KLB: variants seen among roughly 807,000 people sequenced by gnomAD.
KLB encodes klotho beta, also known as beta-klotho.
A neutral mutation model predicts 88.4 loss-of-function variants in KLB; 44 were observed. The ratio of observed to expected loss-of-function variants is 0.50; its 90% CI spans 0.39 to 0.64. KLB has a LOEUF of 0.64. Among genes scored for constraint, KLB ranks in the 30% least tolerant of loss-of-function variants. KLB has a pLI of 0.00. For missense variants in KLB, 1,137 were observed against 1,304.8 expected (o/e 0.87, Z 1.98); for synonymous variants, 548 against 513.4 (o/e 1.07, Z -0.91).
chr4:39,423,726 G>C (rs989926125), intron 1 of KLB, among the ~76,000 whole-genome samples: 3 of 151,810 alleles, frequency 2.0e-5, no homozygotes, highest in Non-Finnish European at 4.4e-5. Context: ...CTGGGCATCT[G>C]TGTGGACAAC....
chr4:39,443,002 C>T (rs1400264533), intron 3 of KLB, among the ~76,000 whole-genome samples: 3 of 152,148 alleles, frequency 2.0e-5, no homozygotes, highest in African/African-American at 7.2e-5. Flanking sequence ...TCCTTTAATT[C>T]AGGACAATCA....
At chr4:39,426,251 C>A (rs1199696630) in intron 1 of KLB, among the ~76,000 whole-genome samples, 21 of 129,704 alleles carry the variant, frequency 1.6e-4, no homozygotes, top group East Asian at 2.2e-4. Context: ...GACTCCATCT[C>A]AAAAAAAAAA....
At chr4:39,420,933 G>A (rs1349426467) in intron 1 of KLB, among the ~76,000 whole-genome samples, 5 of 152,130 alleles carry the variant, frequency 3.3e-5, no homozygotes, top group Admixed American at 6.5e-5. Context: ...CACACACCAC[G>A]GGAAGTAACC....
Position 39,407,327 on chromosome 4 carries a change from T to C in KLB, c.378T>C (p.Gly126=), listed in dbSNP as rs754549711. The change falls in exon 1 of 5, where the codon GGT becomes GGC. Residue 126 remains glycine (G), a synonymous_variant. Transcript: ENST00000257408. ...THLKNVSSTN[G]SSDSYIFLEK... ...TTAAAAATGTCAGCAGCACGAATGG[T>C]TCCAGTGACAGTTATATTTTTCTGG... 6.8e-6 allele frequency: 11 copies of C among 1,614,076 alleles called. No individual in the cohort carries two copies. In the South Asian group the frequency reaches 9.9e-5, roughly 14 times the overall value.
intron 1 of KLB, among the ~76,000 whole-genome samples, chr4:39,415,448 C>G (rs1169083459): frequency 1.3e-5 from 2 of 152,118 alleles, no homozygotes; most frequent in South Asian, 2.1e-4. Context: ...GAGCTGTGAT[C>G]ATGCCTCTGC....
intron 1 of KLB, among the ~76,000 whole-genome samples, chr4:39,429,915 G>T (rs1457828560): frequency 6.6e-6 from 1 of 152,162 alleles, no homozygotes; most frequent in Non-Finnish European, 1.5e-5. Context: ...GCTGTCTTCA[G>T]CCCAGAGCAA....
rs766993921 is a variant in KLB, at chr4:39,450,332, C to T, written c.*1646C>T. 3 of 152,196 alleles carry T rather than the reference C, an allele frequency of 2.0e-5. No homozygotes were observed. Among genetic ancestry groups the T allele is most frequent in the African/African-American group, 2.4e-5 (1 of 41,454 alleles). 9.4% of individuals were successfully genotyped at this position (152,196 alleles called of 1,614,324 possible). On this transcript the variant is annotated 3_prime_UTR_variant, in exon 5 of 5. Coordinates refer to ENST00000257408, the MANE Select transcript of KLB (RefSeq NM_175737.4). ...TTTAGACCTTAACAGTCACAAGAGA[C>T]GTTCTTCTGTTACAAAGCCTTAGTA...
rs114658121 is a variant in KLB, at chr4:39,433,454, A to G, written c.826-756A>G. ...ACGCAGATTAACTCACTCAATTCTC[A>G]CAACATCCCTAGGAGGTGGGCTCTA... On this transcript the variant is annotated intron_variant, in intron 1 of 4. Coordinates refer to ENST00000257408, the MANE Select transcript of KLB (RefSeq NM_175737.4). 5.7e-3 allele frequency among the ~76,000 whole-genome samples: 864 copies of G among 152,302 alleles called. 7 individuals carry two copies. The highest frequency in any genetic ancestry group is 0.019 in the African/African-American group (809 of 41,564).
chr4:39,446,298 G>C lies in KLB; in HGVS notation c.1606-34G>C, dbSNP rs1743744571. ...ATCACTTGAGCCTCCATCTGCCAGC[G>C]CATGCTTGACCTAAATGAGCTTGTT... is the stretch of plus-strand genomic sequence containing the variant. On this transcript the variant is annotated intron_variant, in intron 3 of 4. Coordinates refer to ENST00000257408, the MANE Select transcript of KLB (RefSeq NM_175737.4). This position sits in a 1 kb window ranked among gnomAD's most constrained non-coding sequence, Gnocchi z 6.4. 1 of 1,582,596 alleles carries C rather than the reference G, an allele frequency of 6.3e-7. No individual in the cohort carries two copies. The highest frequency in any genetic ancestry group is 8.6e-7 in the Non-Finnish European group (1 of 1,163,272).
intron 3 of KLB, among the ~76,000 whole-genome samples, chr4:39,442,621 G>T (rs1473603834): frequency 6.6e-6 from 1 of 152,066 alleles, no homozygotes; most frequent in African/African-American, 2.4e-5. Context: ...TTTTAGTAGA[G>T]ACGGGGTTTC....
chr4:39,419,944 CAAAAAAAA>C (rs34834552), intron 1 of KLB, among the ~76,000 whole-genome samples: 1 of 81,768 alleles, frequency 1.2e-5, no homozygotes, highest in Non-Finnish European at 2.3e-5. Flanking sequence ...AACTTCATCT[CAAAAAAAA>C]AAAAAAAAAA....
rs1289447661 is a variant in KLB, at chr4:39,449,526, AAC to A, written c.*844_*845del. ...AGTAGTGCTTGTCTAAGCCAGTTAC[AAC>A]ACAGACTCTTAAAGAGGATCAAGCC... On this transcript the variant is annotated 3_prime_UTR_variant, in exon 5 of 5. Transcript: ENST00000257408. The A allele has an allele frequency of 1.4e-5, 2 of 146,018 alleles. No individual in the cohort carries two copies. Among genetic ancestry groups the A allele is most frequent in the Admixed American group, 6.7e-5 (1 of 14,898 alleles). The allele number at this position is 146,018 out of a possible 1,614,324, so 9.0% of individuals were successfully genotyped here.
At chr4:39,425,478 G>A (rs1393069419) in intron 1 of KLB, among the ~76,000 whole-genome samples, 1 of 152,166 alleles carries the variant, frequency 6.6e-6, no homozygotes, top group African/African-American at 2.4e-5. Flanking sequence ...CACCCGGGCT[G>A]GAGTGCAGTG....
rs566228172 is a variant in KLB, at chr4:39,438,886, A to G, written c.1605+891A>G. On this transcript the variant is annotated intron_variant, in intron 3 of 4. Transcript: ENST00000257408. Reference sequence around the variant, plus strand: ...AATCCTTCATTTTACGGGGGGAGGAAAGTGAGACCTATCAACTTGCTAACA... The same window carrying G: ...AATCCTTCATTTTACGGGGGGAGGAGAGTGAGACCTATCAACTTGCTAACA... Among the ~76,000 whole-genome samples, 15 of 152,318 alleles carry G rather than the reference A, an allele frequency of 9.8e-5. No homozygotes were observed. In the East Asian group the frequency reaches 2.9e-3, roughly 29 times the overall value.
intron 1 of KLB, among the ~76,000 whole-genome samples, chr4:39,420,250 G>A (rs1410765818): frequency 3.3e-5 from 5 of 152,096 alleles, no homozygotes; most frequent in African/African-American, 1.2e-4. Flanking sequence ...GAGATTACAT[G>A]ACCAAAGTCT....
chr4:39,445,883 C>A (rs988999084), intron 3 of KLB, among the ~76,000 whole-genome samples: 5 of 151,974 alleles, frequency 3.3e-5, no homozygotes, highest in African/African-American at 9.7e-5. Flanking sequence ...CATTGCCTAC[C>A]CCACCGCACC....
intron 1 of KLB, among the ~76,000 whole-genome samples, chr4:39,423,294 C>G (rs1176508137): frequency 1.3e-5 from 2 of 151,796 alleles, no homozygotes; most frequent in African/African-American, 2.4e-5. Context: ...TCTGAACACC[C>G]CAAATTTGCT....
rs893148840 is a variant in KLB at position 39,434,561 on chromosome 4, T to G, written c.1177T>G (p.Ser393Ala). Residue 393 changes from serine to alanine, a missense_variant, in exon 2 of 5, where the codon TCA becomes GCA. Physicochemically the swap from Ser to Ala is moderately conservative, Grantham distance 99 (BLOSUM62 1). Around this residue, in one of 4 missense-constraint regions of KLB, gnomAD observed 597 missense variants for 765.2 expected, o/e 0.78. Transcript: ENST00000257408. ...NTMAKMGQNVSLNLREALNWI... is the reference protein window; with the variant it reads ...NTMAKMGQNVALNLREALNWI... ...CATGGCTAAAATGGGACAAAATGTT[T>G]CACTTAATTTAAGAGAAGCGCTGAA... 1 of 1,614,172 alleles carries G rather than the reference T, an allele frequency of 6.2e-7. No individual in the cohort carries two copies. Among genetic ancestry groups the G allele is most frequent in the Non-Finnish European group, 8.5e-7 (1 of 1,180,036 alleles).
intron 1 of KLB, among the ~76,000 whole-genome samples, chr4:39,408,390 A>G (rs1018299545): frequency 6.6e-6 from 1 of 152,186 alleles, no homozygotes; most frequent in Non-Finnish European, 1.5e-5. Flanking sequence ...AGCAATTTTC[A>G]AGCAATATAT....
Sources: gnomAD v4.1 joint callset for allele counts (sites outside exome capture counted in the v4.1 genomes callset) on GRCh38, gnomAD v4.1.1 for gene constraint, gnomAD v4.1.1 regional missense constraint, Gnocchi (gnomAD v3.1) non-coding constraint, MANE v1.5 for transcripts, NCBI Gene and HGNC (gene_info 2026-07-23, HGNC 2026-07-21) for gene names.